The following SUPT3H variants were observed in gnomAD, a reference collection of about 807,000 sequenced individuals.
SUPT3H encodes the protein transcription initiation protein SPT3 homolog.
A neutral mutation model predicts 44.3 loss-of-function variants in SUPT3H; 44 were observed. That is an observed-to-expected ratio of 0.99 (90% CI 0.78 to 1.28). SUPT3H has a LOEUF of 1.28. SUPT3H is among the 50% of genes most tolerant of loss of function. SUPT3H has a pLI of 0.00. For synonymous variants in SUPT3H, 124 were observed against 125.6 expected, an observed-to-expected ratio of 0.99 and a Z score of 0.09; for missense variants, 380 against 387.1, an observed-to-expected ratio of 0.98 and a Z score of 0.15.
chr6:45,155,026 A>C (rs1807586629), intron 2 of SUPT3H, among the ~76,000 whole-genome samples: 1 of 152,126 alleles, frequency 6.6e-6, no homozygotes, highest in Non-Finnish European at 1.5e-5. Context: ...AGAAGGAAAA[A>C]AGTTAGGTTT....
chr6:44,905,553 C>G (rs1339855576), intron 10 of SUPT3H, among the ~76,000 whole-genome samples: 3 of 151,678 alleles, frequency 2.0e-5, no homozygotes, highest in African/African-American at 7.3e-5. Context: ...GAAACAGGAA[C>G]ACTTTTACAC....
chr6:45,158,298 A>ATATATATTTTTTTTTT lies in SUPT3H; in HGVS notation c.102-52293_102-52292insAAAAAAAAAATATATA. Among the ~76,000 whole-genome samples, 70 of 99,678 alleles carry ATATATATTTTTTTTTT rather than the reference A, an allele frequency of 7.0e-4. 1 individual carries two copies. The highest frequency in any genetic ancestry group is 3.5e-3 in the African/African-American group (69 of 19,972). 65.4% of individuals were successfully genotyped at this position (99,678 alleles called of 152,430 possible). ...TACATATATATATATATATATATATATTTTTTTTTTTTTTTTTTTGAGATG... is the reference window on the plus strand; with the variant it reads ...TACATATATATATATATATATATATATATATATTTTTTTTTTTTTTTTTTTTTTTTTTTTTGAGATG... On this transcript the variant is annotated intron_variant, in intron 2 of 10. Coordinates refer to ENST00000371459, the MANE Select transcript of SUPT3H (RefSeq NM_003599.4).
intron 10 of SUPT3H, among the ~76,000 whole-genome samples, chr6:44,903,300 G>A (rs1333780534): frequency 3.3e-5 from 5 of 151,962 alleles, no homozygotes; most frequent in Non-Finnish European, 5.9e-5. Context: ...TAATAAAGAA[G>A]AAAAGAGAGA....
At chr6:45,301,138 C>T (rs74952102) in intron 2 of SUPT3H, among the ~76,000 whole-genome samples, 1 of 152,082 alleles carries the variant, frequency 6.6e-6, no homozygotes, top group Admixed American at 6.5e-5. Flanking sequence ...CTAGTGAGAA[C>T]TGAGAGCTGT....
chr6:45,037,530 G>A (rs1172333479), intron 3 of SUPT3H, among the ~76,000 whole-genome samples: 3 of 151,402 alleles, frequency 2.0e-5, no homozygotes, highest in Non-Finnish European at 4.4e-5. Context: ...CAGGTGTTGT[G>A]ATGCATTCCT....
At chr6:45,266,194 G>A (rs1410001546) in intron 2 of SUPT3H, among the ~76,000 whole-genome samples, 4 of 151,658 alleles carry the variant, frequency 2.6e-5, no homozygotes, top group African/African-American at 7.3e-5. Context: ...AAGCCACAAG[G>A]AAATTCAAAA....
At chr6:45,228,605 A>G (rs1767367007) in intron 2 of SUPT3H, among the ~76,000 whole-genome samples, 1 of 152,036 alleles carries the variant, frequency 6.6e-6, no homozygotes, top group African/African-American at 2.4e-5. Flanking sequence ...ACACACACAC[A>G]CTATTGGTTT....
intron 10 of SUPT3H, among the ~76,000 whole-genome samples, chr6:44,903,435 A>C (rs1765443818): frequency 6.6e-6 from 1 of 152,206 alleles, no homozygotes; most frequent in Non-Finnish European, 1.5e-5. Context: ...ATCTAGAAGA[A>C]ATGGATAAAT....
chr6:45,018,792 A>G (rs1019087622), intron 4 of SUPT3H, among the ~76,000 whole-genome samples: 1 of 151,968 alleles, frequency 6.6e-6, no homozygotes, highest in Non-Finnish European at 1.5e-5. Flanking sequence ...CATCAAGGAT[A>G]TTGGTCTAAA....
intron 3 of SUPT3H, among the ~76,000 whole-genome samples, chr6:45,022,750 G>T (rs950638431): frequency 6.6e-6 from 1 of 151,904 alleles, no homozygotes; most frequent in African/African-American, 2.4e-5. Flanking sequence ...ACCAAGTGAA[G>T]ACAGAAATCT....
In SUPT3H at chr6:45,172,602, T is replaced by A. The variant is rs1342166870; in HGVS notation, c.102-66596A>T. On this transcript the variant is annotated intron_variant, in intron 2 of 10. Coordinates refer to ENST00000371459, the MANE Select transcript of SUPT3H (RefSeq NM_003599.4). Reference sequence around the variant, plus strand: ...CCTTAAAGATAGATATATTTTTTTTTTTTTTTTTGAAATGGAGTCTGCTCT... The same window carrying A: ...CCTTAAAGATAGATATATTTTTTTTATTTTTTTTGAAATGGAGTCTGCTCT... Among the ~76,000 whole-genome samples the A allele has an allele frequency of 2.0e-5, 3 of 151,822 alleles. No individual in the cohort carries two copies. In the East Asian group the frequency reaches 5.8e-4, roughly 29 times the overall value.
intron 10 of SUPT3H, among the ~76,000 whole-genome samples, chr6:44,929,855 T>C (rs990389737): frequency 4.0e-5 from 6 of 151,392 alleles, no homozygotes; most frequent in Admixed American, 6.6e-5. Flanking sequence ...TACAAATCCA[T>C]CCCATTTTAA....
chr6:45,178,664 A>G (rs1367903990), intron 2 of SUPT3H, among the ~76,000 whole-genome samples: 1 of 152,134 alleles, frequency 6.6e-6, no homozygotes, highest in Non-Finnish European at 1.5e-5. Context: ...CATAGTTGGA[A>G]GTAAAGCTCT....
chr6:44,851,050 G>A (rs961558873), intron 10 of SUPT3H, among the ~76,000 whole-genome samples: 73 of 152,284 alleles, frequency 4.8e-4, no homozygotes, highest in African/African-American at 1.6e-3. Context: ...GATGGACACT[G>A]AATTTAATTC....
At chr6:45,222,355 A>G (rs990367534) in intron 2 of SUPT3H, among the ~76,000 whole-genome samples, 1 of 152,164 alleles carries the variant, frequency 6.6e-6, no homozygotes, top group Non-Finnish European at 1.5e-5. Context: ...TAAAACTACA[A>G]ACAATCCAAT....
intron 7 of SUPT3H, among the ~76,000 whole-genome samples, chr6:44,957,087 G>A (rs1442453622): frequency 6.6e-6 from 1 of 152,130 alleles, no homozygotes; most frequent in Non-Finnish European, 1.5e-5. Context: ...GGGAAAGATT[G>A]ATAGTGAAGA....
At chr6:45,358,513 C>T (rs927618788) in intron 2 of SUPT3H, among the ~76,000 whole-genome samples, 4 of 152,124 alleles carry the variant, frequency 2.6e-5, no homozygotes, top group African/African-American at 9.7e-5. Flanking sequence ...ACTTGAATTA[C>T]TTTTTATAAA....
chr6:45,113,259 G>C (rs1276852716), intron 2 of SUPT3H, among the ~76,000 whole-genome samples: 1 of 152,088 alleles, frequency 6.6e-6, no homozygotes, highest in Non-Finnish European at 1.5e-5. Context: ...ACTAGATGAT[G>C]TATGTGAACA....
In SUPT3H at chr6:45,158,298, A is replaced by ATATATATTT; in HGVS notation, c.102-52293_102-52292insAAATATATA. Among the ~76,000 whole-genome samples, 11 of 99,694 alleles carry ATATATATTT rather than the reference A, an allele frequency of 1.1e-4. 2 individuals carry two copies. The highest frequency in any genetic ancestry group is 5.5e-4 in the African/African-American group (11 of 19,958). The allele number at this position is 99,694 out of a possible 152,430, so 65.4% of individuals were successfully genotyped here. A position where few individuals can be genotyped will look rare whatever the true frequency, so the allele number is the denominator to read the frequency against. Reference sequence around the variant, plus strand: ...TACATATATATATATATATATATATATTTTTTTTTTTTTTTTTTTGAGATG... The same window carrying ATATATATTT: ...TACATATATATATATATATATATATATATATATTTTTTTTTTTTTTTTTTTTTTGAGATG... On this transcript the variant is annotated intron_variant, in intron 2 of 10. Coordinates refer to ENST00000371459, the MANE Select transcript of SUPT3H (RefSeq NM_003599.4).
Sources: gnomAD v4.1 joint callset for allele counts (sites outside exome capture counted in the v4.1 genomes callset) on GRCh38, gnomAD v4.1.1 for gene constraint, MANE v1.5 for transcripts, NCBI Gene and HGNC (gene_info 2026-07-23, HGNC 2026-07-21) for gene names.